COMMD10: variants seen among roughly 807,000 people sequenced by gnomAD.
COMMD10 encodes COMM domain-containing protein 10.
COMMD10 carries 33 observed loss-of-function variants against 28.9 expected under a neutral mutation model. The observed-to-expected ratio is 1.14, with a 90% CI of 0.87 to 1.53. The LOEUF is 1.53. Ranked by LOEUF, COMMD10 falls within the 40% of genes most tolerant of loss-of-function variation. COMMD10 has a pLI of 0.00. For missense variants in COMMD10, 310 were observed against 233.4 expected (o/e 1.33, Z -2.14); for synonymous variants, 110 against 81.7 (o/e 1.35, Z -1.87).
chr5:116,235,875 C>T (rs1180898490), intron 5 of COMMD10, among the ~76,000 whole-genome samples: 2 of 152,124 alleles, frequency 1.3e-5, no homozygotes, highest in Non-Finnish European at 2.9e-5. Context: ...TTGCTCAGCC[C>T]TTCCATCTTA....
chr5:116,108,065 C>A (rs1016465049), intron 4 of COMMD10, among the ~76,000 whole-genome samples: 1 of 152,200 alleles, frequency 6.6e-6, no homozygotes, highest in Non-Finnish European at 1.5e-5. Context: ...AGAGGGGCAC[C>A]CACAAGATGC....
chr5:116,267,374 A>G (rs1005848238), intron 5 of COMMD10, among the ~76,000 whole-genome samples: 1 of 151,948 alleles, frequency 6.6e-6, no homozygotes, highest in Non-Finnish European at 1.5e-5. Flanking sequence ...TAAAATACCT[A>G]GGAATCCAAT....
chr5:116,129,769 A>G (rs184743632), intron 4 of COMMD10, among the ~76,000 whole-genome samples: 1,764 of 95,864 alleles, frequency 0.018, 36 homozygotes, highest in South Asian at 0.036. Context: ...TATACTATAT[A>G]ATATACATTA....
chr5:116,218,844 T>C (rs1314133134), intron 5 of COMMD10, among the ~76,000 whole-genome samples: 1 of 152,166 alleles, frequency 6.6e-6, no homozygotes, highest in African/African-American at 2.4e-5. Context: ...AATAGGGCGT[T>C]GACTCTACCC....
At chr5:116,202,746 T>C (rs1475865402) in intron 5 of COMMD10, among the ~76,000 whole-genome samples, 2 of 151,290 alleles carry the variant, frequency 1.3e-5, no homozygotes, top group African/African-American at 2.4e-5. Flanking sequence ...TGTTTTTTTC[T>C]TGTAAATTTG....
chr5:116,271,950 G>A (rs17139323), intron 5 of COMMD10, among the ~76,000 whole-genome samples: 7,194 of 151,804 alleles, frequency 0.047, 284 homozygotes, highest in African/African-American at 0.09. Context: ...TGACATGAAA[G>A]TAAAAATTAC....
intron 5 of COMMD10, among the ~76,000 whole-genome samples, chr5:116,153,490 C>G (rs974186599): frequency 1.3e-5 from 2 of 152,062 alleles, no homozygotes; most frequent in East Asian, 3.9e-4. Flanking sequence ...CAGTAATCAT[C>G]ATACCTGATA....
At chr5:116,210,495 G>C (rs1463242223) in intron 5 of COMMD10, among the ~76,000 whole-genome samples, 1 of 152,112 alleles carries the variant, frequency 6.6e-6, no homozygotes, top group Non-Finnish European at 1.5e-5. Flanking sequence ...ATATTATAGA[G>C]CATACGTTCA....
chr5:116,104,038 T>G (rs1236646780), intron 4 of COMMD10, among the ~76,000 whole-genome samples: 1 of 152,214 alleles, frequency 6.6e-6, no homozygotes, highest in Non-Finnish European at 1.5e-5. Flanking sequence ...CTACACTGTT[T>G]TGGTTACTGT....
chr5:116,209,666 G>A lies in COMMD10; in HGVS notation c.510+75488G>A, dbSNP rs1017540211. Among the ~76,000 whole-genome samples the A allele has an allele frequency of 5.3e-5, 8 of 152,162 alleles. No homozygotes were observed. In the East Asian group the frequency reaches 1.5e-3, roughly 29 times the overall value. ...AACGTATAAAATTCAATAGCGGTTA[G>A]TAGCAAGGAATGAGTGTTATCTGAA... On this transcript the variant is annotated intron_variant, in intron 5 of 6. Transcript: ENST00000274458.
chr5:116,227,782 A>G (rs748800085), intron 5 of COMMD10, among the ~76,000 whole-genome samples: 7 of 152,088 alleles, frequency 4.6e-5, no homozygotes, highest in Non-Finnish European at 1.0e-4. Context: ...AGTTACTATC[A>G]GTGCCTTTAA....
intron 5 of COMMD10, among the ~76,000 whole-genome samples, chr5:116,244,320 A>C (rs1268392715): frequency 6.6e-6 from 1 of 152,124 alleles, no homozygotes; most frequent in Non-Finnish European, 1.5e-5. Flanking sequence ...GTGAGAAATA[A>C]ACACAGTAAC....
chr5:116,187,236 A>C (rs888053237), intron 5 of COMMD10, among the ~76,000 whole-genome samples: 1 of 152,150 alleles, frequency 6.6e-6, no homozygotes, highest in African/African-American at 2.4e-5. Context: ...AGTGTTATGA[A>C]ACTTATAATT....
intron 5 of COMMD10, among the ~76,000 whole-genome samples, chr5:116,256,607 T>G (rs537860058): frequency 3.3e-5 from 5 of 151,800 alleles, no homozygotes; most frequent in Non-Finnish European, 7.4e-5. Flanking sequence ...CCAAAATGGT[T>G]GGAACCAGAA....
intron 5 of COMMD10, among the ~76,000 whole-genome samples, chr5:116,244,030 T>TATACACACACAC (rs1447320275): frequency 6.6e-6 from 1 of 152,160 alleles, no homozygotes; most frequent in African/African-American, 2.4e-5. Context: ...TAAAGATGTC[T>TATACACACACAC]ATACACACAC....
chr5:116,266,785 G>A (rs1022704920), intron 5 of COMMD10, among the ~76,000 whole-genome samples: 1 of 150,916 alleles, frequency 6.6e-6, no homozygotes, highest in Non-Finnish European at 1.5e-5. Flanking sequence ...TGCAAGGCTG[G>A]TTCAACATAC....
intron 4 of COMMD10, among the ~76,000 whole-genome samples, chr5:116,117,061 C>T (rs10478278): frequency 0.11 from 16,386 of 152,140 alleles, 981 homozygotes; most frequent in African/African-American, 0.15. Flanking sequence ...TTGACTGTCA[C>T]TCAAAATAAT....
intron 5 of COMMD10, among the ~76,000 whole-genome samples, chr5:116,179,911 T>C (rs1487596614): frequency 6.6e-6 from 1 of 152,052 alleles, no homozygotes; most frequent in Non-Finnish European, 1.5e-5. Flanking sequence ...ATGGCAGTTT[T>C]CTATAGAAAA....
At chr5:116,165,440 A>G (rs1294227894) in intron 5 of COMMD10, among the ~76,000 whole-genome samples, 1 of 152,192 alleles carries the variant, frequency 6.6e-6, no homozygotes, top group East Asian at 1.9e-4. Flanking sequence ...AAAATATCAC[A>G]GGGTGGGTAG....
Sources: allele counts gnomAD v4.1 joint callset (sites outside exome capture counted in the v4.1 genomes callset), GRCh38; gene constraint gnomAD v4.1.1; transcripts MANE v1.5; gene names NCBI Gene and HGNC (gene_info 2026-07-23, HGNC 2026-07-21).